The following ZNF782 variants were observed in gnomAD, a reference collection of about 807,000 sequenced individuals.
The protein encoded by ZNF782 is zinc finger protein 782.
Under a neutral mutation model 13.0 loss-of-function variants are expected in ZNF782, and 12 were observed. The ratio of observed to expected loss-of-function variants is 0.92; its 90% CI spans 0.59 to 1.50. The LOEUF (loss-of-function observed/expected upper bound fraction) is 1.50. ZNF782 is among the 40% of genes most tolerant of loss of function. The probability of loss-of-function intolerance (pLI) is 0.00; values close to 1 mark genes in which losing one functional copy is unlikely to be tolerated. For synonymous variants in ZNF782, 284 were observed against 283.0 expected (o/e 1.00, Z -0.04); for missense variants, 770 against 822.9 (o/e 0.94, Z 0.79).
At chr9:96,858,595 A>G (rs767605888), upstream of ZNF782, among the ~76,000 whole-genome samples, 1 of 152,226 alleles carries the variant, frequency 6.6e-6, no homozygotes, top group Non-Finnish European at 1.5e-5. The surrounding 1 kb of genome is among the most constrained non-coding windows in gnomAD (Gnocchi z 4.4). Flanking sequence ...AGGCTCTCAG[A>G]GTGCCCACTG....
rs1453065177 is a variant in ZNF782, at chr9:96,850,293, A to C, written c.15+1654T>G. Among the ~76,000 whole-genome samples the C allele has an allele frequency of 1.3e-5, 2 of 152,212 alleles. No homozygotes were observed. Among genetic ancestry groups the C allele is most frequent in the Non-Finnish European group, 2.9e-5 (2 of 68,038 alleles). The stretch of plus-strand genomic sequence containing the variant: ...ACTGAGTGGATAAAGAAAATGTGGT[A>C]CCTATACACCATGGAATACTACTCA... On this transcript the variant is annotated intron_variant, in intron 3 of 5. Transcript: ENST00000481138. The surrounding 1 kb of genome is among the most constrained non-coding windows in gnomAD (Gnocchi z 4.3).
At chr9:96,826,817 G>C (rs1334939537) in intron 5 of ZNF782, among the ~76,000 whole-genome samples, 1 of 152,124 alleles carries the variant, frequency 6.6e-6, no homozygotes, top group African/African-American at 2.4e-5. Context: ...AAAACCCTGG[G>C]CACCAGTTCT....
At chr9:96,920,152 T>C in the ZNF782 span, among the ~76,000 whole-genome samples, 1 of 150,040 alleles carries the variant, frequency 6.7e-6, no homozygotes, top group Non-Finnish European at 1.5e-5. Flanking sequence ...TGTATTTTAG[T>C]ACAGTGGTGA....
the ZNF782 span, among the ~76,000 whole-genome samples, chr9:96,880,770 T>C: frequency 6.6e-6 from 1 of 152,190 alleles, no homozygotes; most frequent in South Asian, 2.1e-4. Context: ...TCTTTGGCTT[T>C]GATATCAGCA....
upstream of ZNF782, among the ~76,000 whole-genome samples, chr9:96,876,983 G>C (rs1343658278): frequency 2.3e-5 from 2 of 87,398 alleles, no homozygotes; most frequent in African/African-American, 8.8e-5. Flanking sequence ...AGAAGAAGAA[G>C]AAAAGAAAAA....
At chr9:96,855,504 G>A (rs1851629774), upstream of ZNF782, among the ~76,000 whole-genome samples, 1 of 152,174 alleles carries the variant, frequency 6.6e-6, no homozygotes, top group African/African-American at 2.4e-5. Context: ...TGAGAACTAC[G>A]ATGTTTGGTT....
upstream of ZNF782, among the ~76,000 whole-genome samples, chr9:96,879,624 C>T (rs1287182308): frequency 6.6e-6 from 1 of 152,116 alleles, no homozygotes; most frequent in Non-Finnish European, 1.5e-5. Flanking sequence ...TCATTATCAC[C>T]GCCAGGGTTG....
chr9:96,824,140 A>C (rs957468176), intron 5 of ZNF782, among the ~76,000 whole-genome samples: 1 of 151,138 alleles, frequency 6.6e-6, no homozygotes, highest in African/African-American at 2.4e-5. Flanking sequence ...ATGAACATTG[A>C]TGCAAAAATC....
chr9:96,892,717 A>C, the ZNF782 span: 1 of 152,152 alleles, frequency 6.6e-6, no homozygotes, highest in Non-Finnish European at 1.5e-5. Context: ...TATGCATCTT[A>C]ATTTTTTTAA....
At chr9:96,827,323 T>C in intron 4 of ZNF782, 142 bp from the exon 5 acceptor site, 1 of 529,838 alleles carries the variant, frequency 1.9e-6, no homozygotes, top group Non-Finnish European at 3.3e-6. Flanking sequence ...AAAAAACATT[T>C]TCTTTCTTTT....
chr9:96,912,198 GAAAAAAAAA>G, the ZNF782 span, among the ~76,000 whole-genome samples: 2 of 56,764 alleles, frequency 3.5e-5, no homozygotes, highest in Non-Finnish European at 7.8e-5. Context: ...ACTCCGTCTC[GAAAAAAAAA>G]AAAAAAAAAA....
At chr9:96,912,775 C>T in the ZNF782 span, among the ~76,000 whole-genome samples, 2 of 151,596 alleles carry the variant, frequency 1.3e-5, no homozygotes, top group African/African-American at 2.4e-5. Flanking sequence ...GATCTGCCCA[C>T]CTCAGCCTCC....
chr9:96,903,849 T>A, the ZNF782 span, among the ~76,000 whole-genome samples: 4 of 151,826 alleles, frequency 2.6e-5, no homozygotes, highest in Non-Finnish European at 4.4e-5. Context: ...GGCATGAGCC[T>A]CCGCACCCGG....
the ZNF782 span, among the ~76,000 whole-genome samples, chr9:96,927,600 T>C: frequency 6.6e-6 from 1 of 152,128 alleles, no homozygotes; most frequent in African/African-American, 2.4e-5. Flanking sequence ...TTGCCTAATA[T>C]GTTACACTTT....
At chr9:96,924,838 C>T in the ZNF782 span, among the ~76,000 whole-genome samples, 1 of 152,226 alleles carries the variant, frequency 6.6e-6, no homozygotes, top group Non-Finnish European at 1.5e-5. Context: ...TAAACCTCCC[C>T]CTTCACTTCA....
At chr9:96,876,083 A>T (rs889428002), upstream of ZNF782, among the ~76,000 whole-genome samples, 1 of 152,132 alleles carries the variant, frequency 6.6e-6, no homozygotes, top group Non-Finnish European at 1.5e-5. Context: ...TTATGGGTTA[A>T]ATTTGAACTT....
At chr9:96,821,222 A>G (rs984478623) in intron 5 of ZNF782, among the ~76,000 whole-genome samples, 11 of 152,348 alleles carry the variant, frequency 7.2e-5, no homozygotes, top group Admixed American at 2.0e-4. Flanking sequence ...CACTAACTGT[A>G]GGCTCATTAC....
chr9:96,847,399 G>A (rs1186515314), intron 3 of ZNF782, among the ~76,000 whole-genome samples: 1 of 151,990 alleles, frequency 6.6e-6, no homozygotes, highest in African/African-American at 2.4e-5. Context: ...TTCCTGAAAA[G>A]CTAAAACTGA....
At position 96,818,521 on chromosome 9, in the gene ZNF782, G is replaced by C; in HGVS notation, c.1502C>G (p.Thr501Arg). The C allele has an allele frequency of 6.2e-7, 1 of 1,613,706 alleles. No individual in the cohort carries two copies. Among genetic ancestry groups the C allele is most frequent in the Non-Finnish European group, 8.5e-7 (1 of 1,179,924 alleles). ...SGLRNHRRTH[T>R]GERPYKCDEC... ...ATCACATTTATATGGTCTTTCCCCT[G>C]TGTGAGTTCTTCGGTGATTCCTTAG... Residue 501 changes from threonine (T) to arginine (R), a missense_variant, in exon 6 of 6, where the codon ACA (threonine) becomes AGA (arginine). By Grantham distance (71) the Thr-to-Arg change is moderately conservative. Coordinates refer to ENST00000481138, the MANE Select transcript of ZNF782 (RefSeq NM_001001662.3).
Sources: allele counts gnomAD v4.1 joint callset (sites outside exome capture counted in the v4.1 genomes callset), GRCh38; gene constraint gnomAD v4.1.1; non-coding constraint Gnocchi (gnomAD v3.1); transcripts MANE v1.5; gene names NCBI Gene and HGNC (gene_info 2026-07-23, HGNC 2026-07-21).